Variants in CCSER1 observed in about 807,000 individuals in gnomAD.
CCSER1 encodes the protein serine-rich coiled-coil domain-containing protein 1.
A neutral mutation model predicts 82.0 loss-of-function variants in CCSER1; 41 were observed. The ratio of observed to expected loss-of-function variants is 0.50; its 90% confidence interval spans 0.39 to 0.65. CCSER1 has a LOEUF of 0.65. Among genes scored for constraint, CCSER1 ranks in the 30% least tolerant of loss-of-function variants. The pLI is 0.00. For missense variants in CCSER1, 1,119 were observed against 1,064.2 expected, an observed-to-expected ratio of 1.05 and a Z score of -0.72; for synonymous variants, 414 against 383.9, an observed-to-expected ratio of 1.08 and a Z score of -0.92.
intron 7 of CCSER1, among the ~76,000 whole-genome samples, chr4:90,786,970 C>G (rs1470167045): frequency 6.6e-6 from 1 of 152,170 alleles, no homozygotes; most frequent in Non-Finnish European, 1.5e-5. Flanking sequence ...TCACAGAACT[C>G]AGGGAATCAC....
intron 1 of CCSER1, among the ~76,000 whole-genome samples, chr4:90,282,523 T>A (rs1000300553): frequency 2.0e-5 from 3 of 151,654 alleles, no homozygotes; most frequent in Non-Finnish European, 4.4e-5. Context: ...ACTTTTAACT[T>A]GTTGACACTG....
chr4:90,199,733 T>A (rs1233310573), intron 1 of CCSER1, among the ~76,000 whole-genome samples: 1 of 152,100 alleles, frequency 6.6e-6, no homozygotes, highest in African/African-American at 2.4e-5. Context: ...ATAAAATTAG[T>A]GGGTTTGGGT....
chr4:90,670,998 T>C (rs997844483), intron 6 of CCSER1, among the ~76,000 whole-genome samples: 1 of 152,120 alleles, frequency 6.6e-6, no homozygotes, highest in Non-Finnish European at 1.5e-5. Context: ...ATGTTTATAG[T>C]ATGCTGCAGC....
intron 5 of CCSER1, among the ~76,000 whole-genome samples, chr4:90,620,284 A>G (rs901133201): frequency 6.6e-6 from 1 of 152,172 alleles, no homozygotes; most frequent in Non-Finnish European, 1.5e-5. Context: ...ATGATACAAT[A>G]TGGTAAAAGA....
chr4:90,298,463 T>G (rs1204837255), intron 1 of CCSER1, among the ~76,000 whole-genome samples: 1 of 151,448 alleles, frequency 6.6e-6, no homozygotes, highest in Non-Finnish European at 1.5e-5. Flanking sequence ...TTCATTAATT[T>G]TTTGAAGGGT....
At chr4:91,304,851 A>C (rs1744931978) in intron 10 of CCSER1, among the ~76,000 whole-genome samples, 1 of 152,066 alleles carries the variant, frequency 6.6e-6, no homozygotes, top group Non-Finnish European at 1.5e-5. Flanking sequence ...ATGTTACTTA[A>C]ATTAAATATC....
intron 10 of CCSER1, among the ~76,000 whole-genome samples, chr4:91,577,501 T>C (rs1763506796): frequency 6.6e-6 from 1 of 152,028 alleles, no homozygotes; most frequent in Non-Finnish European, 1.5e-5. Flanking sequence ...CTTTCTAGCA[T>C]ATTATATTTT....
chr4:90,233,935 A>G (rs886373985), intron 1 of CCSER1, among the ~76,000 whole-genome samples: 5 of 152,200 alleles, frequency 3.3e-5, no homozygotes, highest in African/African-American at 1.2e-4. Context: ...CGTTGTTTCT[A>G]TTAAAATGTG....
intron 4 of CCSER1, among the ~76,000 whole-genome samples, chr4:90,454,191 G>C (rs114858827): frequency 1.3e-3 from 204 of 151,810 alleles, no homozygotes; most frequent in African/African-American, 4.7e-3. Context: ...AGCCTGCAAA[G>C]AGTCCATTAG....
intron 10 of CCSER1, among the ~76,000 whole-genome samples, chr4:91,450,979 G>T (rs1755841487): frequency 6.6e-6 from 1 of 152,026 alleles, no homozygotes; most frequent in South Asian, 2.1e-4. Context: ...ACAATAGACT[G>T]AGTGACCTAT....
chr4:90,604,450 T>C (rs1046080006), intron 5 of CCSER1, among the ~76,000 whole-genome samples: 8 of 152,248 alleles, frequency 5.3e-5, no homozygotes, highest in Admixed American at 6.5e-5. Context: ...TCTTTAAATT[T>C]AGTCTCAACA....
chr4:90,917,587 C>T (rs112348390), intron 8 of CCSER1, among the ~76,000 whole-genome samples: 35,286 of 151,876 alleles, frequency 0.23, 4,824 homozygotes, highest in Non-Finnish European at 0.31. Flanking sequence ...GGGTGCAGCA[C>T]ACCAACGTGG....
At chr4:90,538,917 C>CAAAA (rs1402188627) in intron 5 of CCSER1, among the ~76,000 whole-genome samples, 1 of 151,780 alleles carries the variant, frequency 6.6e-6, no homozygotes, top group East Asian at 1.9e-4. Context: ...ATTACTTTGG[C>CAAAA]ATCTGATATT....
intron 6 of CCSER1, among the ~76,000 whole-genome samples, chr4:90,638,384 G>C (rs1438312001): frequency 2.0e-5 from 3 of 152,088 alleles, no homozygotes; most frequent in African/African-American, 7.2e-5. Context: ...CCCATTTGTG[G>C]AGTTTTTAGT....
chr4:91,127,969 T>C (rs1727658416), intron 10 of CCSER1, among the ~76,000 whole-genome samples: 1 of 151,994 alleles, frequency 6.6e-6, no homozygotes, highest in Non-Finnish European at 1.5e-5. Context: ...TCTCAGTCCT[T>C]TTCAAAAGTC....
intron 6 of CCSER1, among the ~76,000 whole-genome samples, chr4:90,706,513 C>A (rs1273320807): frequency 6.6e-6 from 1 of 152,210 alleles, no homozygotes; most frequent in African/African-American, 2.4e-5. Context: ...TAAAGATAAT[C>A]TTAATAGCAG....
At chr4:91,385,544 GAGAT>G (rs1751231347) in intron 10 of CCSER1, among the ~76,000 whole-genome samples, 1 of 151,512 alleles carries the variant, frequency 6.6e-6, no homozygotes, top group South Asian at 2.1e-4. Context: ...AAAATTTAAA[GAGAT>G]AGGAAGTAAA....
At chr4:90,225,231 A>ATTTTTTTTTTT (rs57188209) in intron 1 of CCSER1, among the ~76,000 whole-genome samples, 9 of 111,874 alleles carry the variant, frequency 8.0e-5, no homozygotes, top group African/African-American at 2.7e-4. Context: ...TACCCGGCTA[A>ATTTTTTTTTTT]TTTTTTTTTT....
intron 10 of CCSER1, among the ~76,000 whole-genome samples, chr4:91,337,827 G>C (rs1747424635): frequency 6.6e-6 from 1 of 152,090 alleles, no homozygotes; most frequent in Non-Finnish European, 1.5e-5. Flanking sequence ...AAAAGAATTT[G>C]AATTAGTCAT....
Sources: gnomAD v4.1 joint callset for allele counts (sites outside exome capture counted in the v4.1 genomes callset) on GRCh38, gnomAD v4.1.1 for gene constraint, MANE v1.5 for transcripts, NCBI Gene and HGNC (gene_info 2026-07-23, HGNC 2026-07-21) for gene names.